Variants in TEX36 observed in about 807,000 individuals in gnomAD.
TEX36 encodes testis expressed 36.
In TEX36, 12 loss-of-function variants were observed where a neutral mutation model predicts 13.6. The ratio of observed to expected loss-of-function variants is 0.88; its 90% CI spans 0.56 to 1.43. TEX36 has a LOEUF of 1.43. TEX36 is among the 40% of genes most tolerant of loss of function. The pLI, the probability that TEX36 is intolerant of heterozygous loss-of-function variation, is 0.00. For missense variants in TEX36, 224 were observed against 228.3 expected, an observed-to-expected ratio of 0.98 and a Z score of 0.12; for synonymous variants, 93 against 83.0, an observed-to-expected ratio of 1.12 and a Z score of -0.65.
At chr10:125,646,847 G>C (rs1348597147) in intron 3 of TEX36, among the ~76,000 whole-genome samples, 1 of 152,124 alleles carries the variant, frequency 6.6e-6, no homozygotes, top group Non-Finnish European at 1.5e-5. Flanking sequence ...GACATGCCAA[G>C]ATTTGCACCC....
At chr10:125,589,752 T>C (rs569276546) in intron 3 of TEX36, among the ~76,000 whole-genome samples, 36 of 152,354 alleles carry the variant, frequency 2.4e-4, no homozygotes, top group Admixed American at 1.7e-3. Flanking sequence ...TTTCTGCATC[T>C]CTTATGTATA....
chr10:125,624,030 C>A (rs1846457133), intron 3 of TEX36, among the ~76,000 whole-genome samples: 1 of 152,198 alleles, frequency 6.6e-6, no homozygotes, highest in Non-Finnish European at 1.5e-5. Flanking sequence ...CTCTTGATAT[C>A]ATTAATTCTC....
At chr10:125,680,321 C>T (rs1158722293) in intron 1 of TEX36, among the ~76,000 whole-genome samples, 1 of 152,126 alleles carries the variant, frequency 6.6e-6, no homozygotes, top group Non-Finnish European at 1.5e-5. Flanking sequence ...GAGTTGGGTT[C>T]ATTTGTATTC....
chr10:125,601,649 G>T (rs770158367), intron 3 of TEX36, among the ~76,000 whole-genome samples: 5 of 152,216 alleles, frequency 3.3e-5, no homozygotes, highest in Non-Finnish European at 7.3e-5. Flanking sequence ...ACTGCTTCCA[G>T]TTGCTTCCCA....
intron 1 of TEX36, among the ~76,000 whole-genome samples, chr10:125,681,918 A>C (rs888155367): frequency 6.6e-6 from 1 of 152,224 alleles, no homozygotes; most frequent in Admixed American, 6.5e-5. Context: ...TGCTTAGCCA[A>C]GGTTGTATCC....
At chr10:125,631,073 A>G (rs1474979883) in intron 3 of TEX36, among the ~76,000 whole-genome samples, 2 of 152,180 alleles carry the variant, frequency 1.3e-5, no homozygotes, top group Non-Finnish European at 2.9e-5. Context: ...ACTAATAAAC[A>G]TTTTTGAAAA....
chr10:125,626,432 G>A (rs915114444), intron 3 of TEX36, among the ~76,000 whole-genome samples: 2 of 152,244 alleles, frequency 1.3e-5, no homozygotes, highest in Admixed American at 6.5e-5. Flanking sequence ...GCTGTTTACA[G>A]AGCACTTTCA....
chr10:125,656,946 A>T (rs1846955125), intron 3 of TEX36, among the ~76,000 whole-genome samples: 2 of 152,092 alleles, frequency 1.3e-5, no homozygotes, highest in African/African-American at 4.8e-5. Flanking sequence ...AGGAGGCTGA[A>T]TTCTTTCCCA....
At chr10:125,663,995 C>T (rs1197520110) in intron 1 of TEX36, among the ~76,000 whole-genome samples, 1 of 152,168 alleles carries the variant, frequency 6.6e-6, no homozygotes, top group Non-Finnish European at 1.5e-5. Context: ...ATGTCCCTCA[C>T]CACTACCTTT....
chr10:125,656,217 A>G, intron 3 of TEX36, 21 bp from the exon 4 acceptor site: 1 of 968,090 alleles, frequency 1.0e-6, no homozygotes, highest in Non-Finnish European at 1.4e-6. Context: ...GAATTACAAG[A>G]TTCGAAGGAA....
intron 3 of TEX36, among the ~76,000 whole-genome samples, chr10:125,621,901 C>T (rs1846433097): frequency 6.6e-6 from 1 of 152,182 alleles, no homozygotes; most frequent in African/African-American, 2.4e-5. Context: ...CAACTCCCTC[C>T]ACCTGCTTCG....
chr10:125,599,938 T>C (rs1846125936), intron 3 of TEX36, among the ~76,000 whole-genome samples: 1 of 152,166 alleles, frequency 6.6e-6, no homozygotes, highest in Non-Finnish European at 1.5e-5. Context: ...GGCTCAGCCC[T>C]GCTCTAGACT....
At chr10:125,638,938 T>C (rs1846651078) in intron 3 of TEX36, among the ~76,000 whole-genome samples, 1 of 152,258 alleles carries the variant, frequency 6.6e-6, no homozygotes, top group Non-Finnish European at 1.5e-5. Context: ...TATTACACTA[T>C]TAATTCTTTG....
At chr10:125,650,732 A>G (rs1484875658), downstream of TEX36, among the ~76,000 whole-genome samples, 1 of 152,202 alleles carries the variant, frequency 6.6e-6, no homozygotes, top group African/African-American at 2.4e-5. Context: ...TGAAAAGATC[A>G]ACAAAATTGA....
At chr10:125,679,087 G>A (rs184047981) in intron 1 of TEX36, among the ~76,000 whole-genome samples, 157 of 151,594 alleles carry the variant, frequency 1.0e-3, no homozygotes, top group African/African-American at 3.3e-3. Flanking sequence ...TCCAACCTTG[G>A]CAGCAGTAGC....
chr10:125,583,587 C>G (rs927586852), intron 3 of TEX36, among the ~76,000 whole-genome samples: 1 of 152,146 alleles, frequency 6.6e-6, no homozygotes, highest in Non-Finnish European at 1.5e-5. Context: ...ATCATACTGG[C>G]AATTGAATTT....
At chr10:125,576,663 C>A (rs970116205) in exon 4 of TEX36, 7 of 1,489,364 alleles carry the variant, frequency 4.7e-6, no homozygotes, top group Non-Finnish European at 6.3e-6. Context: ...TAGGCTAAGA[C>A]AAAAGGTCCT....
At chr10:125,652,916 T>C (rs1234207674), downstream of TEX36, among the ~76,000 whole-genome samples, 4 of 152,070 alleles carry the variant, frequency 2.6e-5, no homozygotes, top group Non-Finnish European at 5.9e-5. Flanking sequence ...ATCAGAGAAA[T>C]GCAAATCAAA....
chr10:125,650,731 C>A (rs1238175552), downstream of TEX36, among the ~76,000 whole-genome samples: 1 of 151,890 alleles, frequency 6.6e-6, no homozygotes, highest in Non-Finnish European at 1.5e-5. Context: ...TTGAAAAGAT[C>A]AACAAAATTG....
Sources: gnomAD v4.1 joint callset for allele counts (sites outside exome capture counted in the v4.1 genomes callset) on GRCh38, gnomAD v4.1.1 for gene constraint, MANE v1.5 for transcripts, NCBI Gene and HGNC (gene_info 2026-07-23, HGNC 2026-07-21) for gene names.